Variants in CTNNA1 observed in about 807,000 individuals in gnomAD.
The protein encoded by CTNNA1 is catenin alpha-1.
Under a neutral mutation model 98.4 loss-of-function variants are expected in CTNNA1, and 37 were observed. That is an observed-to-expected ratio of 0.38 (90% CI 0.29 to 0.49). CTNNA1 has a LOEUF of 0.49. Among genes scored for constraint, CTNNA1 ranks in the 20% least tolerant of loss-of-function variants. The probability of loss-of-function intolerance (pLI) is 0.95; values close to 1 mark genes in which losing one functional copy is unlikely to be tolerated. For synonymous variants in CTNNA1, 404 were observed against 413.2 expected, an observed-to-expected ratio of 0.98 and a Z score of 0.27; for missense variants, 761 against 1,147.2, an observed-to-expected ratio of 0.66 and a Z score of 4.86.
intron 5 of CTNNA1, among the ~76,000 whole-genome samples, chr5:138,814,657 G>A (rs1168061799): frequency 6.6e-6 from 1 of 152,170 alleles, no homozygotes. Context: ...GTCTGAGCTT[G>A]GTTTATGAAG....
At position 138,931,186 on chromosome 5, in the gene CTNNA1, C is replaced by A. The variant is rs1765222174; in HGVS notation, c.2298+251C>A. The A allele has an allele frequency of 1.1e-5, 5 of 459,708 alleles. No homozygotes were observed. The South Asian group carries it at 1.2e-4, about 11-fold the overall frequency. 28.5% of individuals were successfully genotyped at this position (459,708 alleles called of 1,614,324 possible). ...CTCTTATGTCTCAGTTCCCTCTCTC[C>A]CCCTCTGGGCAGGGGCCGAGAGCAG... On this transcript the variant is annotated intron_variant, in intron 16 of 17. Transcript: ENST00000302763.
chr5:138,837,416 TCTC>T (rs1166041137), intron 7 of CTNNA1, among the ~76,000 whole-genome samples: 6 of 151,418 alleles, frequency 4.0e-5, no homozygotes, highest in Non-Finnish European at 5.9e-5. Flanking sequence ...GTTTCTTCCT[TCTC>T]CTCCTCCTCC....
chr5:138,779,711 T>G (rs995905770), intron 1 of CTNNA1, among the ~76,000 whole-genome samples: 3 of 68,284 alleles, frequency 4.4e-5, no homozygotes, highest in Admixed American at 1.7e-4. Flanking sequence ...ACACTGGTTT[T>G]TTTTTGTTTT....
intron 1 of CTNNA1, among the ~76,000 whole-genome samples, chr5:138,764,899 G>A (rs1285045607): frequency 5.4e-5 from 5 of 93,454 alleles, no homozygotes; most frequent in Admixed American, 1.7e-4. Context: ...TTGAGATCTC[G>A]CCCTGTCGCC....
intron 1 of CTNNA1, among the ~76,000 whole-genome samples, chr5:138,766,819 G>GT (rs1239948992): frequency 6.6e-6 from 1 of 152,084 alleles, no homozygotes; most frequent in East Asian, 1.9e-4. Flanking sequence ...TGCAGCTCTG[G>GT]TGAAGGCATG....
chr5:138,916,395 CTTT>C (rs751646294), intron 10 of CTNNA1, among the ~76,000 whole-genome samples: 3 of 139,494 alleles, frequency 2.2e-5, no homozygotes, highest in Non-Finnish European at 3.2e-5. Context: ...TGTTTTTTGT[CTTT>C]TTTTTTTTTT....
intron 3 of CTNNA1, among the ~76,000 whole-genome samples, chr5:138,793,395 C>G (rs1264341928): frequency 6.6e-6 from 1 of 152,158 alleles, no homozygotes; most frequent in Non-Finnish European, 1.5e-5. Flanking sequence ...CTGTAGCCAG[C>G]TTGGAATTGA....
Position 138,874,061 on chromosome 5 carries a change from T to C in CTNNA1, c.1063-12151T>C, listed in dbSNP as rs1294547808. On this transcript the variant is annotated intron_variant, in intron 7 of 17. Transcript: ENST00000302763. The surrounding 1 kb of genome is among the most constrained non-coding windows in gnomAD (Gnocchi z 4.1). ...GCGTACTGGGATAGTCCGCAGGGAG[T>C]TGGAACGTAAATGCAAGGTCTGCAG... The C allele has an allele frequency of 1.2e-6, 2 of 1,613,376 alleles. No individual in the cohort carries two copies. The highest frequency in any genetic ancestry group is 1.3e-5 in the African/African-American group (1 of 74,710).
intron 14 of CTNNA1, among the ~76,000 whole-genome samples, chr5:138,929,887 G>A (rs1452138161): frequency 6.6e-6 from 1 of 152,140 alleles, no homozygotes; most frequent in Non-Finnish European, 1.5e-5. Context: ...GTCGTGAACA[G>A]CGAGCACATC....
At chr5:138,883,542 A>G (rs951632943) in intron 7 of CTNNA1, among the ~76,000 whole-genome samples, 2 of 152,208 alleles carry the variant, frequency 1.3e-5, no homozygotes, top group African/African-American at 4.8e-5. Context: ...AATTCTTTCA[A>G]AAGTCAAATT....
rs1485663264 is a variant in CTNNA1, at chr5:138,855,791, C to G, written c.1062+28073C>G. The stretch of plus-strand genomic sequence containing the variant: ...AAGTAAAAATGGCAGTAGAATTTTA[C>G]TGTCTGGGATTTGACAGTTTTTGTA... On this transcript the variant is annotated intron_variant, in intron 7 of 17. Transcript: ENST00000302763. Among the ~76,000 whole-genome samples, 3 of 152,200 alleles carry G rather than the reference C, an allele frequency of 2.0e-5. No individual in the cohort carries two copies. The South Asian group carries it at 6.2e-4, about 31-fold the overall frequency.
Position 138,874,306 on chromosome 5 carries a change from A to C in CTNNA1, c.1063-11906A>C. The C allele has an allele frequency of 4.3e-6, 7 of 1,614,044 alleles. No homozygotes were observed. Among genetic ancestry groups the C allele is most frequent in the Non-Finnish European group, 5.1e-6 (6 of 1,179,892 alleles). ...GATCTAAGTGGAGCCAAGTAAGTTG[A>C]CTGAAGCTGGCAAATTGATCTCTTT... On this transcript the variant is annotated intron_variant, in intron 7 of 17. Transcript: ENST00000302763. The surrounding 1 kb of genome is among the most constrained non-coding windows in gnomAD (Gnocchi z 4.1).
intron 9 of CTNNA1, among the ~76,000 whole-genome samples, chr5:138,894,352 G>A (rs1756259114): frequency 6.7e-6 from 1 of 148,244 alleles, no homozygotes; most frequent in African/African-American, 2.5e-5. Flanking sequence ...CACAATCATG[G>A]CTCACTGAAG....
At chr5:138,775,714 CTT>C (rs750615535) in intron 1 of CTNNA1, among the ~76,000 whole-genome samples, 295 of 82,444 alleles carry the variant, frequency 3.6e-3, no homozygotes, top group African/African-American at 0.013. Context: ...GGAAATATTT[CTT>C]TTTTTTTTTT....
chr5:138,777,988 C>CT lies in CTNNA1; in HGVS notation c.-2-3912dup, dbSNP rs777826985. 1.1e-3 allele frequency among the ~76,000 whole-genome samples: 17 copies of CT among 14,858 alleles called. 3 individuals carry two copies. Among genetic ancestry groups the CT allele is most frequent in the African/African-American group, 2.4e-3 (8 of 3,358 alleles). The allele number at this position is 14,858 out of a possible 152,430, so 9.7% of individuals were successfully genotyped here. On this transcript the variant is annotated intron_variant, in intron 1 of 17. Transcript: ENST00000302763. ...GGAGGGGAAATGTTTCTTAATCTGT[C>CT]TTTTTTTTTTTTTTTTTTTTTTTAA...
At chr5:138,910,087 A>T (rs935335336) in intron 10 of CTNNA1, among the ~76,000 whole-genome samples, 9 of 151,836 alleles carry the variant, frequency 5.9e-5, no homozygotes, top group Non-Finnish European at 1.0e-4. Flanking sequence ...TCCCATCTCT[A>T]CCCTTCTGTG....
intron 1 of CTNNA1, among the ~76,000 whole-genome samples, chr5:138,778,844 A>G (rs1754705999): frequency 6.6e-6 from 1 of 152,060 alleles, no homozygotes; most frequent in Non-Finnish European, 1.5e-5. Context: ...TGAAGAAGGC[A>G]GTGGTTGGTA....
At chr5:138,888,594 C>T (rs288021) in intron 9 of CTNNA1, among the ~76,000 whole-genome samples, 38,989 of 151,870 alleles carry the variant, frequency 0.26, 5,203 homozygotes, top group Middle Eastern at 0.31. Flanking sequence ...GTAGCCCAGG[C>T]TGAAGTGCAG....
At chr5:138,932,944 C>T in intron 17 of CTNNA1, 1 of 774,186 alleles carries the variant, frequency 1.3e-6, no homozygotes. Flanking sequence ...CTCCCCTTTG[C>T]TGGCCACTCA....
Sources: gnomAD v4.1 joint callset for allele counts (sites outside exome capture counted in the v4.1 genomes callset) on GRCh38, gnomAD v4.1.1 for gene constraint, Gnocchi (gnomAD v3.1) non-coding constraint, MANE v1.5 for transcripts, NCBI Gene and HGNC (gene_info 2026-07-23, HGNC 2026-07-21) for gene names.